SPAG16: variants seen among roughly 807,000 people sequenced by gnomAD.
The protein encoded by SPAG16 is sperm associated antigen 16.
Under a neutral mutation model 80.4 loss-of-function variants are expected in SPAG16, and 86 were observed. The ratio of observed to expected loss-of-function variants is 1.07; its 90% confidence interval spans 0.90 to 1.28. SPAG16 has a LOEUF of 1.28. Ranked by LOEUF, SPAG16 falls within the 50% of genes most tolerant of loss-of-function variation. SPAG16 has a pLI of 0.00. For synonymous variants in SPAG16, 294 were observed against 265.9 expected (o/e 1.11, Z -1.03); for missense variants, 870 against 765.3 (o/e 1.14, Z -1.61).
At chr2:213,977,435 G>GCC (rs143265667) in intron 12 of SPAG16, among the ~76,000 whole-genome samples, 26 of 151,454 alleles carry the variant, frequency 1.7e-4, no homozygotes, top group Middle Eastern at 3.4e-3. Flanking sequence ...GCAGGTTACT[G>GCC]CCCCCCCCAT....
chr2:213,299,815 A>G (rs927310678), intron 3 of SPAG16, among the ~76,000 whole-genome samples: 17 of 152,302 alleles, frequency 1.1e-4, no homozygotes, highest in African/African-American at 4.1e-4. Flanking sequence ...TGATTATACT[A>G]TCAGTAGTTT....
At chr2:213,532,278 T>G (rs1191092712) in intron 10 of SPAG16, among the ~76,000 whole-genome samples, 1 of 152,110 alleles carries the variant, frequency 6.6e-6, no homozygotes, top group Non-Finnish European at 1.5e-5. Flanking sequence ...AAAACAATCT[T>G]TAGAAAACAT....
chr2:214,139,498 A>G (rs2055238133), intron 14 of SPAG16, among the ~76,000 whole-genome samples: 1 of 151,848 alleles, frequency 6.6e-6, no homozygotes, highest in South Asian at 2.1e-4. Context: ...TCATATATTA[A>G]TTATTTCTAC....
intron 15 of SPAG16, among the ~76,000 whole-genome samples, chr2:214,153,021 T>C (rs1335354789): frequency 1.3e-5 from 2 of 152,086 alleles, no homozygotes; most frequent in Non-Finnish European, 2.9e-5. Flanking sequence ...TCCGGATAAC[T>C]GCGGGCAAGC....
At chr2:213,972,978 A>T (rs2045157789) in intron 12 of SPAG16, among the ~76,000 whole-genome samples, 1 of 151,746 alleles carries the variant, frequency 6.6e-6, no homozygotes. Flanking sequence ...AAGTGCTTGG[A>T]AACAAAACAA....
chr2:214,340,592 C>T (rs1697608765), intron 15 of SPAG16, among the ~76,000 whole-genome samples: 1 of 152,202 alleles, frequency 6.6e-6, no homozygotes, highest in Non-Finnish European at 1.5e-5. Flanking sequence ...CCTGCTGCTG[C>T]TCCAGCAGGC....
At chr2:213,840,944 T>C (rs2125754246) in intron 10 of SPAG16, among the ~76,000 whole-genome samples, 1 of 152,308 alleles carries the variant, frequency 6.6e-6, no homozygotes, top group African/African-American at 2.4e-5. Context: ...TGCTGAGGCC[T>C]AAGCACATTG....
At chr2:213,590,054 A>G (rs1341350942) in intron 10 of SPAG16, among the ~76,000 whole-genome samples, 3 of 152,132 alleles carry the variant, frequency 2.0e-5, no homozygotes, top group Non-Finnish European at 4.4e-5. Flanking sequence ...TGACTGTATT[A>G]ATGTTTCTAT....
At chr2:213,889,640 CACACACACATATATACATATACATATAT>C (rs1192586240) in intron 11 of SPAG16, among the ~76,000 whole-genome samples, 10 of 149,364 alleles carry the variant, frequency 6.7e-5, no homozygotes, top group Admixed American at 4.7e-4. Context: ...TATACATATA[CACACACACATATATACATATACATATAT>C]ACACACATAT....
intron 15 of SPAG16, among the ~76,000 whole-genome samples, chr2:214,193,627 T>C (rs1477128023): frequency 1.3e-5 from 2 of 152,156 alleles, no homozygotes; most frequent in East Asian, 3.9e-4. Context: ...ACGTCTGTCA[T>C]GGGTAGCTAC....
At chr2:213,698,618 G>A (rs1361599611) in intron 10 of SPAG16, among the ~76,000 whole-genome samples, 1 of 152,098 alleles carries the variant, frequency 6.6e-6, no homozygotes, top group East Asian at 1.9e-4. Flanking sequence ...TTCTTTTACA[G>A]TTATCTTAGC....
intron 10 of SPAG16, among the ~76,000 whole-genome samples, chr2:213,844,794 T>A (rs1243644319): frequency 6.6e-6 from 1 of 152,220 alleles, no homozygotes; most frequent in African/African-American, 2.4e-5. Context: ...ATTTTTAATG[T>A]TTTTAGTCAT....
chr2:214,258,372 T>TTCTA (rs1179615381), intron 15 of SPAG16, among the ~76,000 whole-genome samples: 2 of 151,978 alleles, frequency 1.3e-5, no homozygotes, highest in Admixed American at 1.3e-4. Flanking sequence ...TCACTTAGAA[T>TTCTA]AGTGGTCTCC....
Position 213,756,665 on chromosome 2 carries a change from C to T in SPAG16, c.1071-105820C>T, listed in dbSNP as rs1445567137. 2.6e-5 allele frequency among the ~76,000 whole-genome samples: 4 copies of T among 152,058 alleles called. No individual in the cohort carries two copies. In the East Asian group the frequency reaches 5.8e-4, roughly 22 times the overall value. On this transcript the variant is annotated intron_variant, in intron 10 of 15. Transcript: ENST00000331683. ...CATGTTAATATGGGATCTCTGGGAGCGGGAACCCCCTAAATGGCTAATGTA... is the reference window on the plus strand; with the variant it reads ...CATGTTAATATGGGATCTCTGGGAGTGGGAACCCCCTAAATGGCTAATGTA...
At chr2:213,986,521 T>C (rs1438257712) in intron 12 of SPAG16, among the ~76,000 whole-genome samples, 1 of 152,028 alleles carries the variant, frequency 6.6e-6, no homozygotes, top group Non-Finnish European at 1.5e-5. Flanking sequence ...AAAAATAGTA[T>C]ATTTTAAGTA....
chr2:213,367,277 G>A (rs1033392318), intron 8 of SPAG16, among the ~76,000 whole-genome samples: 12 of 151,528 alleles, frequency 7.9e-5, no homozygotes, highest in Non-Finnish European at 1.8e-4. Flanking sequence ...ACAGCAGCAT[G>A]ATTTATAATC....
At chr2:213,890,465 T>C (rs577526220) in intron 11 of SPAG16, among the ~76,000 whole-genome samples, 2 of 152,220 alleles carry the variant, frequency 1.3e-5, no homozygotes, top group South Asian at 2.1e-4. Flanking sequence ...TCATCTATTA[T>C]AAAACTGAGA....
chr2:213,809,995 A>G (rs1266479487), intron 10 of SPAG16, among the ~76,000 whole-genome samples: 1 of 152,174 alleles, frequency 6.6e-6, no homozygotes, highest in Non-Finnish European at 1.5e-5. Context: ...GCACCCACGC[A>G]TCGTACGAAA....
At chr2:214,283,110 G>GATAATTATTA (rs530182824) in intron 15 of SPAG16, among the ~76,000 whole-genome samples, 2,301 of 151,970 alleles carry the variant, frequency 0.015, 35 homozygotes, top group African/African-American at 0.034. Flanking sequence ...ATATAACTGT[G>GATAATTATTA]ATAATTATTA....
Sources: gnomAD v4.1 joint callset for allele counts (sites outside exome capture counted in the v4.1 genomes callset) on GRCh38, gnomAD v4.1.1 for gene constraint, MANE v1.5 for transcripts, NCBI Gene and HGNC (gene_info 2026-07-23, HGNC 2026-07-21) for gene names.